Variants in UNC5D observed in about 807,000 individuals in gnomAD.
UNC5D encodes the protein netrin receptor UNC5D.
In UNC5D, 39 loss-of-function variants were observed where a neutral mutation model predicts 105.4. The ratio of observed to expected loss-of-function variants is 0.37; its 90% CI spans 0.29 to 0.48. UNC5D has a LOEUF of 0.48. Ranked by LOEUF, UNC5D falls within the 20% of genes least tolerant of loss-of-function variation. The pLI, the probability that UNC5D is intolerant of heterozygous loss-of-function variation, is 0.98. For missense variants in UNC5D, 991 were observed against 1,202.4 expected, an observed-to-expected ratio of 0.82 and a Z score of 2.60; for synonymous variants, 452 against 450.4, an observed-to-expected ratio of 1.00 and a Z score of -0.04.
At chr8:35,619,035 TATTTA>T (rs1244104148) in intron 4 of UNC5D, among the ~76,000 whole-genome samples, 2 of 152,236 alleles carry the variant, frequency 1.3e-5, no homozygotes, top group Non-Finnish European at 2.9e-5. Context: ...GATTTCAATT[TATTTA>T]ATAAATGCTT....
At chr8:35,536,078 A>G (rs1814812629) in intron 1 of UNC5D, among the ~76,000 whole-genome samples, 1 of 152,226 alleles carries the variant, frequency 6.6e-6, no homozygotes, top group Non-Finnish European at 1.5e-5. Flanking sequence ...TCTTGATAAA[A>G]AATATCAGGA....
chr8:35,434,106 A>G (rs765252798), intron 1 of UNC5D, among the ~76,000 whole-genome samples: 14 of 152,070 alleles, frequency 9.2e-5, no homozygotes, highest in Non-Finnish European at 2.1e-4. Context: ...AAGCACTAAA[A>G]TCTATTGATT....
At chr8:35,465,978 T>G (rs574791867) in intron 1 of UNC5D, among the ~76,000 whole-genome samples, 1 of 152,196 alleles carries the variant, frequency 6.6e-6, no homozygotes, top group African/African-American at 2.4e-5. Flanking sequence ...GGAAATAGGG[T>G]TATTTTCCTA....
At chr8:35,643,238 T>C (rs1344491659) in intron 4 of UNC5D, among the ~76,000 whole-genome samples, 1 of 152,154 alleles carries the variant, frequency 6.6e-6, no homozygotes, top group Admixed American at 6.5e-5. Flanking sequence ...CAAATATGTC[T>C]CCAGACATTG....
chr8:35,321,527 T>C (rs1472556044), intron 1 of UNC5D, among the ~76,000 whole-genome samples: 1 of 152,132 alleles, frequency 6.6e-6, no homozygotes, highest in East Asian at 1.9e-4. Flanking sequence ...ACACCGATTG[T>C]AAGTTTCATG....
intron 7 of UNC5D, among the ~76,000 whole-genome samples, chr8:35,692,606 C>T (rs187958846): frequency 4.6e-5 from 7 of 152,302 alleles, no homozygotes; most frequent in Non-Finnish European, 8.8e-5. Context: ...AGAAATCATA[C>T]TTGACTCAAT....
intron 2 of UNC5D, among the ~76,000 whole-genome samples, chr8:35,557,570 T>C (rs2130734234): frequency 1.3e-5 from 2 of 152,322 alleles, no homozygotes; most frequent in Admixed American, 1.3e-4. Context: ...TGAAGACATC[T>C]AAGCTCTCTC....
chr8:35,331,501 C>T (rs888652779), intron 1 of UNC5D, among the ~76,000 whole-genome samples: 11 of 152,116 alleles, frequency 7.2e-5, no homozygotes, highest in Admixed American at 1.3e-4. Flanking sequence ...TCATCTTAGC[C>T]TCCTCGCCTG....
At chr8:35,327,867 G>A (rs778306188) in intron 1 of UNC5D, among the ~76,000 whole-genome samples, 3 of 152,182 alleles carry the variant, frequency 2.0e-5, no homozygotes, top group Non-Finnish European at 2.9e-5. Context: ...GGATGTTTGA[G>A]GTGGCAGCTG....
chr8:35,658,964 A>AT (rs1183464375), intron 4 of UNC5D, among the ~76,000 whole-genome samples: 3 of 152,084 alleles, frequency 2.0e-5, no homozygotes, highest in Non-Finnish European at 4.4e-5. Flanking sequence ...AGAGTGACAC[A>AT]TTTTTTAAAT....
In UNC5D at chr8:35,748,527, C is replaced by T. The variant is rs752713288; in HGVS notation, c.1767C>T (p.Ser589=). The change falls in exon 12 of 17, where the codon AGC becomes AGT. Residue 589 remains serine (S), a splice_region_variant and synonymous_variant. Transcript: ENST00000404895. Reference sequence around the variant, plus strand: ...TTCTATCCTTTTTTCAACTGTGAAGCCTCCAGTCAGATGGCTCTGAGGTGC... The same window carrying T: ...TTCTATCCTTTTTTCAACTGTGAAGTCTCCAGTCAGATGGCTCTGAGGTGC... ...IYMSINQGEP[S]LQSDGSEVLL... 1.9e-6 allele frequency: 3 copies of T among 1,611,760 alleles called. No individual in the cohort carries two copies. Among genetic ancestry groups the T allele is most frequent in the Non-Finnish European group, 8.5e-7 (1 of 1,179,216 alleles).
At chr8:35,492,955 T>A (rs1811305267) in intron 1 of UNC5D, among the ~76,000 whole-genome samples, 1 of 152,124 alleles carries the variant, frequency 6.6e-6, no homozygotes, top group African/African-American at 2.4e-5. Flanking sequence ...AGGCTTTGTC[T>A]CTTCTCTGTT....
intron 1 of UNC5D, among the ~76,000 whole-genome samples, chr8:35,547,760 C>G (rs957178360): frequency 1.7e-4 from 26 of 152,284 alleles, no homozygotes; most frequent in East Asian, 5.8e-4. Flanking sequence ...TTCCCAGACT[C>G]TCTTCGGAGA....
intron 14 of UNC5D, among the ~76,000 whole-genome samples, chr8:35,764,491 G>A (rs1801679112): frequency 6.6e-6 from 1 of 152,206 alleles, no homozygotes; most frequent in African/African-American, 2.4e-5. Flanking sequence ...AATCACATTA[G>A]ATAACAAGGA....
chr8:35,365,591 CAAAAAAAAA>C (rs10715369), intron 1 of UNC5D, among the ~76,000 whole-genome samples: 38 of 49,888 alleles, frequency 7.6e-4, no homozygotes, highest in Non-Finnish European at 9.3e-4. Context: ...CCATCCCCTG[CAAAAAAAAA>C]AAAAAAAAAA....
At chr8:35,292,920 C>T (rs960887491) in intron 1 of UNC5D, among the ~76,000 whole-genome samples, 1 of 151,886 alleles carries the variant, frequency 6.6e-6, no homozygotes, top group Non-Finnish European at 1.5e-5. Context: ...GAACTCCTGA[C>T]CTCAAGTGAT....
rs1821962054 is a variant in UNC5D, at chr8:35,630,348, T to A, written c.570+34691T>A. On this transcript the variant is annotated intron_variant, in intron 4 of 16. Transcript: ENST00000404895. Reference sequence around the variant, plus strand: ...TGTATTATCAGGGATTATTAGCCACTCATTTGAATTCTAAGCAGCCCTGAT... The same window carrying A: ...TGTATTATCAGGGATTATTAGCCACACATTTGAATTCTAAGCAGCCCTGAT... Among the ~76,000 whole-genome samples, 7 of 152,350 alleles carry A rather than the reference T, an allele frequency of 4.6e-5. No homozygotes were observed. The South Asian group carries it at 1.4e-3, about 32-fold the overall frequency.
intron 4 of UNC5D, among the ~76,000 whole-genome samples, chr8:35,650,252 C>G (rs1238211074): frequency 6.6e-6 from 1 of 152,130 alleles, no homozygotes; most frequent in East Asian, 1.9e-4. Context: ...CCTGCTCCGT[C>G]GTTGACTTGT....
intron 1 of UNC5D, among the ~76,000 whole-genome samples, chr8:35,489,686 C>A (rs1270642223): frequency 2.0e-5 from 3 of 152,182 alleles, no homozygotes; most frequent in African/African-American, 7.2e-5. Flanking sequence ...TCAGCCCTAG[C>A]AAACTAATAC....
Sources: gnomAD v4.1 joint callset for allele counts (sites outside exome capture counted in the v4.1 genomes callset) on GRCh38, gnomAD v4.1.1 for gene constraint, MANE v1.5 for transcripts, NCBI Gene and HGNC (gene_info 2026-07-23, HGNC 2026-07-21) for gene names.